FRMD7: variants seen among roughly 807,000 people sequenced by gnomAD.
FRMD7 encodes FERM domain-containing protein 7.
In FRMD7, 14 loss-of-function variants were observed where a neutral mutation model predicts 44.1. The observed-to-expected ratio is 0.32, with a 90% CI of 0.21 to 0.50. FRMD7 has a LOEUF of 0.50. FRMD7 is among the 20% of genes least tolerant of loss of function. The pLI is 0.99. For missense variants in FRMD7, 501 were observed against 522.3 expected, an observed-to-expected ratio of 0.96 and a Z score of 0.40; for synonymous variants, 212 against 187.4, an observed-to-expected ratio of 1.13 and a Z score of -1.07.
intron 1 of FRMD7, among the ~76,000 whole-genome samples, chrX:132,116,770 G>A (rs1928909803): frequency 9.0e-6 from 1 of 111,524 alleles, no homozygotes; most frequent in Non-Finnish European, 1.9e-5. Context: ...CATGGCACAC[G>A]TTTACCTATG....
chrX:132,089,860 A>G (rs1445812174), intron 5 of FRMD7, among the ~76,000 whole-genome samples: 1 of 112,141 alleles, frequency 8.9e-6, no homozygotes, highest in Non-Finnish European at 1.9e-5. Flanking sequence ...GAAGAAGTCA[A>G]AAACCTTGTA....
chrX:132,112,993 A>AG (rs1928815133), intron 1 of FRMD7, among the ~76,000 whole-genome samples: 1 of 111,211 alleles, frequency 9.0e-6, no homozygotes. Flanking sequence ...CTTCACACTA[A>AG]GGGGGGCAGG....
chrX:132,103,843 T>C (rs1270740485), intron 1 of FRMD7, among the ~76,000 whole-genome samples: 1 of 112,429 alleles, frequency 8.9e-6, no homozygotes, highest in African/African-American at 3.2e-5. Context: ...AAAAACCACG[T>C]GTTTGAATTC....
At chrX:132,111,555 C>G (rs1342900217) in intron 1 of FRMD7, among the ~76,000 whole-genome samples, 1 of 112,215 alleles carries the variant, frequency 8.9e-6, no homozygotes, top group African/African-American at 3.2e-5. Flanking sequence ...CCAGTTCCAT[C>G]TATAATAGTA....
At chrX:132,114,548 T>C (rs772250021) in intron 1 of FRMD7, among the ~76,000 whole-genome samples, 4 of 112,533 alleles carry the variant, frequency 3.6e-5, no homozygotes, top group Non-Finnish European at 5.6e-5. Context: ...TAGGTTCTAT[T>C]GTTTTTGAAG....
intron 2 of FRMD7, among the ~76,000 whole-genome samples, chrX:132,100,089 C>T (rs1928454808): frequency 8.9e-6 from 1 of 111,969 alleles, no homozygotes; most frequent in African/African-American, 3.3e-5. Flanking sequence ...CACAGAGTGA[C>T]AAAACAGGAA....
chrX:132,126,681 A>C (rs1466938688), intron 1 of FRMD7, among the ~76,000 whole-genome samples: 1 of 112,261 alleles, frequency 8.9e-6, no homozygotes, highest in East Asian at 2.8e-4. Context: ...TAAACTACTC[A>C]AAAGATATTT....
At chrX:132,123,506 T>C (rs780416549) in intron 1 of FRMD7, among the ~76,000 whole-genome samples, 9 of 112,257 alleles carry the variant, frequency 8.0e-5, no homozygotes, top group Non-Finnish European at 1.3e-4. Flanking sequence ...GAATCAGTTA[T>C]CTATTTCACT....
intron 4 of FRMD7, among the ~76,000 whole-genome samples, chrX:132,095,751 G>A (rs1928312797): frequency 8.9e-6 from 1 of 112,506 alleles, no homozygotes; most frequent in African/African-American, 3.2e-5. Flanking sequence ...CTAAAGTTAA[G>A]TATTATTTAA....
chrX:132,084,419 C>T (rs934859635), intron 8 of FRMD7, 71 bp downstream of exon 8: 7 of 636,542 alleles, frequency 1.1e-5, no homozygotes, highest in African/African-American at 2.2e-5. Context: ...TACATTCAAA[C>T]GATTTGCAGA....
At chrX:132,089,680 G>A (rs2124231877) in intron 5 of FRMD7, among the ~76,000 whole-genome samples, 1 of 111,999 alleles carries the variant, frequency 8.9e-6, no homozygotes, top group Non-Finnish European at 1.9e-5. Context: ...ATGGGCAAAA[G>A]ATTTGACTAG....
Position 132,078,409 on chromosome X carries a change from C to A in FRMD7, c.1608G>T (p.Arg536Ser). Residue 536 changes from arginine to serine, a missense_variant, in exon 12 of 12, where the codon AGG becomes AGT. Coordinates refer to ENST00000298542, the MANE Select transcript of FRMD7 (RefSeq NM_194277.3). ...GCTGAAAGCTCTTCATTCTGATATT[C>A]CTTGGGCTTCTTTCAGCTGGCTTCA... Reference protein sequence around the residue: ...TAMKPAERSPRNIRMKSFQQD... With the variant: ...TAMKPAERSPSNIRMKSFQQD... The A allele has an allele frequency of 8.3e-7, 1 of 1,211,396 alleles. No homozygotes were observed. Among genetic ancestry groups the A allele is most frequent in the African/African-American group, 1.7e-5 (1 of 57,725 alleles).
At chrX:132,098,302 A>G (rs1928401755) in intron 3 of FRMD7, among the ~76,000 whole-genome samples, 2 of 112,576 alleles carry the variant, frequency 1.8e-5, no homozygotes, top group Non-Finnish European at 3.7e-5. Flanking sequence ...TAGTTTTGTC[A>G]AAGTCAGCAG....
rs759886124 is a variant in FRMD7 at position 132,102,635 on chromosome X, G to GA, written c.58-1920dup. ...GGAGCTGCCATGGGATTTTTATTAT[G>GA]AAAAAAAAAAAGAATTTCTAAAGAG... On this transcript the variant is annotated intron_variant, in intron 1 of 11. Coordinates refer to ENST00000298542, the MANE Select transcript of FRMD7 (RefSeq NM_194277.3). 8.5e-3 allele frequency among the ~76,000 whole-genome samples: 858 copies of GA among 100,451 alleles called. 5 individuals are homozygous for GA. Among genetic ancestry groups the GA allele is most frequent in the South Asian group, 0.025 (58 of 2,360 alleles). 87.2% of individuals were successfully genotyped at this position (100,451 alleles called of 115,157 possible).
chrX:132,089,396 T>C (rs1388773976), intron 5 of FRMD7, among the ~76,000 whole-genome samples: 1 of 111,592 alleles, frequency 9.0e-6, no homozygotes, highest in African/African-American at 3.3e-5. Flanking sequence ...AAGAGGTAAA[T>C]TTATAAAAGT....
intron 4 of FRMD7, among the ~76,000 whole-genome samples, chrX:132,095,402 T>C (rs5933068): frequency 0.083 from 9,269 of 111,164 alleles, 357 homozygotes; most frequent in Non-Finnish European, 0.11. Flanking sequence ...GCCCCAATAT[T>C]TTGTTTTATA....
intron 1 of FRMD7, among the ~76,000 whole-genome samples, chrX:132,118,424 GA>G (rs1156769171): frequency 0.01 from 1,050 of 102,276 alleles, 8 homozygotes; most frequent in Middle Eastern, 0.014. Flanking sequence ...AGGGAAAAAA[GA>G]AAAAAAAAAA....
intron 8 of FRMD7, among the ~76,000 whole-genome samples, chrX:132,084,001 C>A (rs746918470): frequency 8.9e-6 from 1 of 111,758 alleles, no homozygotes; most frequent in Non-Finnish European, 1.9e-5. Context: ...CTTTGTCTCA[C>A]CCTTTACTAT....
intron 1 of FRMD7, among the ~76,000 whole-genome samples, chrX:132,118,837 C>A (rs1207960338): frequency 9.1e-6 from 1 of 110,479 alleles, no homozygotes; most frequent in African/African-American, 3.3e-5. Flanking sequence ...TTTGTCTGGA[C>A]CAACCTTCAT....
Sources: gnomAD v4.1 joint callset for allele counts (sites outside exome capture counted in the v4.1 genomes callset) on GRCh38, gnomAD v4.1.1 for gene constraint, MANE v1.5 for transcripts, NCBI Gene and HGNC (gene_info 2026-07-23, HGNC 2026-07-21) for gene names.